The following CENPE variants were observed in gnomAD, a reference collection of about 807,000 sequenced individuals.
CENPE encodes centromere-associated protein E.
In CENPE, 145 loss-of-function variants were observed where a neutral mutation model predicts 336.1. The ratio of observed to expected loss-of-function variants is 0.43; its 90% confidence interval spans 0.38 to 0.50. The LOEUF (loss-of-function observed/expected upper bound fraction) is 0.50, where lower values mean the gene tolerates loss of function less well. CENPE is among the 20% of genes least tolerant of loss of function. CENPE has a pLI of 0.00. For synonymous variants in CENPE, 1,013 were observed against 984.8 expected (o/e 1.03, Z -0.54); for missense variants, 2,719 against 3,023.3 (o/e 0.90, Z 2.36).
At chr4:103,136,511 C>T (rs1752080173) in intron 39 of CENPE, 152 bp from the exon 40 acceptor site, 1 of 512,416 alleles carries the variant, frequency 2.0e-6, no homozygotes, top group Non-Finnish European at 3.3e-6. Context: ...AAAGGAAACT[C>T]TTGTTGTCAT....
intron 40 of CENPE, 129 bp from the exon 41 acceptor site, chr4:103,134,021 A>G: frequency 1.5e-6 from 1 of 670,196 alleles, no homozygotes; most frequent in East Asian, 2.7e-5. Context: ...AGTGAGGAAA[A>G]GGGAAAGAGC....
chr4:103,128,241 C>T (rs548817089), intron 42 of CENPE, among the ~76,000 whole-genome samples: 2 of 152,226 alleles, frequency 1.3e-5, no homozygotes, highest in South Asian at 4.1e-4. Context: ...ATTTTGCATG[C>T]ACCTAACAAA....
chr4:103,113,125 T>A (rs11730078), intron 46 of CENPE, among the ~76,000 whole-genome samples: 11 of 108,128 alleles, frequency 1.0e-4, no homozygotes, highest in African/African-American at 3.8e-4. Flanking sequence ...TATAAGTATA[T>A]GTGTATATAT....
At position 103,161,077 on chromosome 4, in the gene CENPE, AC is replaced by A. The variant is rs775868475; in HGVS notation, c.2131+8del. On this transcript the variant is annotated splice_region_variant and intron_variant, in intron 20 of 48. Transcript: ENST00000265148. Reference sequence around the variant, plus strand: ...GATTTGAAAAAAGATGTTTAAAATTACAAAATACCTTTTGGAACTTTGCCAT... The same window carrying A: ...GATTTGAAAAAAGATGTTTAAAATTAAAAATACCTTTTGGAACTTTGCCAT... The A allele has an allele frequency of 1.9e-6, 3 of 1,568,412 alleles. No homozygotes were observed. The Admixed American group carries it at 6.0e-5, about 31-fold the overall frequency.
chr4:103,149,378 G>A lies in CENPE; in HGVS notation c.3427C>T (p.Leu1143Phe), dbSNP rs140463887. The part of the protein sequence containing the change: ...SQQLQEKQQQ[L>F]LNVQEEMSEM... ...CTCATCTCTTCTTGTACATTAAGAA[G>A]TTGTTGCTGTTTTTCTTGGAGTTGC... The change falls in exon 27 of 49, where the codon CTT becomes TTT. Residue 1143 changes from leucine (L) to phenylalanine (F), a missense_variant. Physicochemically the swap from Leu to Phe is conservative, Grantham distance 22. Transcript: ENST00000265148. 22 of 1,571,618 alleles carry A rather than the reference G, an allele frequency of 1.4e-5. No individual in the cohort carries two copies. The East Asian group carries it at 5.0e-4, about 35-fold the overall frequency.
chr4:103,145,659 A>C lies in CENPE; in HGVS notation c.4436T>G (p.Leu1479Arg), dbSNP rs780140376. 2.1e-5 allele frequency: 33 copies of C among 1,600,336 alleles called. No individual in the cohort carries two copies. The highest frequency in any genetic ancestry group is 3.5e-5 in the Admixed American group (2 of 56,928). ...TTTCAGGCAACAATGAGCAACTTTAAGTTCCTCTTCAGTTTCCAGGTGCTT... is the reference window on the plus strand; with the variant it reads ...TTTCAGGCAACAATGAGCAACTTTACGTTCCTCTTCAGTTTCCAGGTGCTT... ...VAKHLETEEE[L>R]KVAHCCLKEQ... The change falls in exon 31 of 49, where the codon CTT becomes CGT. Residue 1479 changes from leucine to arginine, a missense_variant. Leu to Arg is a moderately radical substitution (Grantham distance 102). Transcript: ENST00000265148.
At chr4:103,185,950 A>G in intron 8 of CENPE, 89 bp from the exon 9 acceptor site, 1 of 809,240 alleles carries the variant, frequency 1.2e-6, no homozygotes, top group Non-Finnish European at 2.1e-6. Flanking sequence ...AATACATGGT[A>G]TATCTGAATA....
At chr4:103,150,226 T>C (rs1222837349) in intron 26 of CENPE, among the ~76,000 whole-genome samples, 2 of 151,964 alleles carry the variant, frequency 1.3e-5, no homozygotes, top group African/African-American at 4.8e-5. Flanking sequence ...AGACATAAGG[T>C]TTTAGTAAAC....
chr4:103,189,988 T>A (rs1431492259), intron 8 of CENPE, among the ~76,000 whole-genome samples: 1 of 152,168 alleles, frequency 6.6e-6, no homozygotes, highest in Non-Finnish European at 1.5e-5. Flanking sequence ...AGCATTCTTA[T>A]ACACCAATAA....
chr4:103,185,907 T>G, intron 8 of CENPE, 46 bp from the exon 9 acceptor site: 1 of 1,337,670 alleles, frequency 7.5e-7, no homozygotes, highest in Non-Finnish European at 1.1e-6. Context: ...TAATTTGAAA[T>G]AATAAAATTC....
intron 1 of CENPE, 57 bp downstream of exon 1, chr4:103,198,207 G>A (rs1009008129): frequency 6.6e-7 from 1 of 1,517,374 alleles, no homozygotes; most frequent in Non-Finnish European, 8.9e-7. Context: ...TCGCCCCTCC[G>A]GCTCAGGGCG....
intron 37 of CENPE, 52 bp from the exon 38 acceptor site, chr4:103,140,131 G>A: frequency 2.0e-6 from 3 of 1,491,756 alleles, no homozygotes; most frequent in Non-Finnish European, 2.7e-6. Context: ...TTCAAGGAAG[G>A]CAAATAGTGT....
chr4:103,187,452 A>G (rs985749206), intron 8 of CENPE, among the ~76,000 whole-genome samples: 1 of 152,164 alleles, frequency 6.6e-6, no homozygotes, highest in Admixed American at 6.5e-5. Flanking sequence ...CTGATCTCTC[A>G]GCAGAAACTC....
intron 8 of CENPE, among the ~76,000 whole-genome samples, chr4:103,188,699 T>C (rs928691027): frequency 2.6e-5 from 4 of 152,120 alleles, no homozygotes; most frequent in Admixed American, 6.5e-5. Flanking sequence ...AGGAAAGATC[T>C]AAAATTGACA....
At chr4:103,188,044 A>C (rs1445762943) in intron 8 of CENPE, among the ~76,000 whole-genome samples, 2 of 152,022 alleles carry the variant, frequency 1.3e-5, no homozygotes, top group African/African-American at 4.8e-5. Flanking sequence ...AAAAGAGACA[A>C]AGAAGGCCAT....
intron 42 of CENPE, among the ~76,000 whole-genome samples, chr4:103,126,024 A>G (rs1751069034): frequency 6.6e-6 from 1 of 152,198 alleles, no homozygotes; most frequent in African/African-American, 2.4e-5. Flanking sequence ...ACAGAGAATT[A>G]CAACTTAGAG....
rs1756234428 is a variant in CENPE at position 103,180,462 on chromosome 4, A to G, written c.1091T>C (p.Leu364Ser). Reference protein sequence around the residue: ...DLKKQLEEVSLETRAQAMEKD... With the variant: ...DLKKQLEEVSSETRAQAMEKD... ...TTCCATTGCCTGAGCCCGCGTCTCTAAAGAAACCTATAGAATGCAATATTG... is the reference window on the plus strand; with the variant it reads ...TTCCATTGCCTGAGCCCGCGTCTCTGAAGAAACCTATAGAATGCAATATTG... Residue 364 changes from leucine to serine, a missense_variant, in exon 13 of 49, where the codon TTA becomes TCA. This residue lies in a region of CENPE where 117 missense variants were observed against 215.8 expected (regional missense o/e 0.54). Coordinates refer to ENST00000265148, the MANE Select transcript of CENPE (RefSeq NM_001813.3). 1 of 1,609,294 alleles carries G rather than the reference A, an allele frequency of 6.2e-7. No homozygotes were observed. The highest frequency in any genetic ancestry group is 8.5e-7 in the Non-Finnish European group (1 of 1,177,224).
Position 103,174,723 on chromosome 4 carries a change from C to T in CENPE, c.1647+13G>A. 1.4e-6 allele frequency: 2 copies of T among 1,470,138 alleles called. No individual in the cohort carries two copies. Among genetic ancestry groups the T allele is most frequent in the African/African-American group, 1.5e-5 (1 of 68,580 alleles). The allele number at this position is 1,470,138 out of a possible 1,614,324, so 91.1% of individuals were successfully genotyped here. ...ATGCTTTTAGTTTAGTTTTACATTT[C>T]TGTCTCTCTTACCTCTTGATCTTTT... On this transcript the variant is annotated intron_variant, in intron 16 of 48. Coordinates refer to ENST00000265148, the MANE Select transcript of CENPE (RefSeq NM_001813.3).
intron 24 of CENPE, among the ~76,000 whole-genome samples, chr4:103,156,878 T>G (rs1370112682): frequency 6.6e-6 from 1 of 151,724 alleles, no homozygotes; most frequent in African/African-American, 2.4e-5. Flanking sequence ...CTCCTACAAC[T>G]CAATGACAAA....
Sources: allele counts gnomAD v4.1 joint callset (sites outside exome capture counted in the v4.1 genomes callset), GRCh38; gene constraint gnomAD v4.1.1; regional missense constraint gnomAD v4.1.1; transcripts MANE v1.5; gene names NCBI Gene and HGNC (gene_info 2026-07-23, HGNC 2026-07-21).